Variants in CBLN2 observed in about 807,000 individuals in gnomAD.
CBLN2 encodes the protein cerebellin 2 precursor.
A neutral mutation model predicts 15.0 loss-of-function variants in CBLN2; 7 were observed. The ratio of observed to expected loss-of-function variants is 0.47; its 90% CI spans 0.27 to 0.88. CBLN2 has a LOEUF of 0.88. Among genes scored for constraint, CBLN2 ranks in the 40% least tolerant of loss-of-function variants. CBLN2 has a pLI of 0.14. For missense variants in CBLN2, 242 were observed against 304.5 expected, an observed-to-expected ratio of 0.79 and a Z score of 1.53; for synonymous variants, 149 against 135.2, an observed-to-expected ratio of 1.10 and a Z score of -0.71.
chr18:72,550,691 G>A (rs1160532561), intron 1 of CBLN2, among the ~76,000 whole-genome samples: 1 of 151,868 alleles, frequency 6.6e-6, no homozygotes, highest in Admixed American at 6.6e-5. Flanking sequence ...TTATTTGAAA[G>A]AGAAATTTTC....
chr18:72,632,869 T>C (rs2069786049), intron 1 of CBLN2, among the ~76,000 whole-genome samples: 1 of 152,226 alleles, frequency 6.6e-6, no homozygotes, highest in Non-Finnish European at 1.5e-5. Context: ...TAGCTGGATC[T>C]ACAGGATAGG....
At chr18:72,616,920 A>G (rs1354636756) in intron 1 of CBLN2, among the ~76,000 whole-genome samples, 5 of 152,142 alleles carry the variant, frequency 3.3e-5, no homozygotes. Context: ...TATGTATGCA[A>G]TATATTCCTA....
chr18:72,547,444 C>T (rs1291001641), upstream of CBLN2, among the ~76,000 whole-genome samples: 1 of 151,944 alleles, frequency 6.6e-6, no homozygotes, highest in Non-Finnish European at 1.5e-5. Flanking sequence ...GGCACATGTA[C>T]CCCCTAAATC....
chr18:72,540,655 A>C (rs2069102082), intron 3 of CBLN2, among the ~76,000 whole-genome samples: 1 of 152,208 alleles, frequency 6.6e-6, no homozygotes, highest in Admixed American at 6.5e-5. Flanking sequence ...AAATGAATTA[A>C]AGAGACACAT....
chr18:72,571,100 T>A (rs2069329773), intron 1 of CBLN2, among the ~76,000 whole-genome samples: 1 of 152,124 alleles, frequency 6.6e-6, no homozygotes, highest in Non-Finnish European at 1.5e-5. Flanking sequence ...GATAAATATT[T>A]TATATTGATA....
Position 72,574,349 on chromosome 18 carries a change from C to T in CBLN2, c.16-35577G>A, listed in dbSNP as rs917561955. On this transcript the variant is annotated intron_variant, in intron 1 of 2. Transcript: ENST00000581073. ...AAGAAATCATCGCCACTTACAAGGT[C>T]ATTTCAATTTTCTCCCATGTTTTCT... Among the ~76,000 whole-genome samples the T allele has an allele frequency of 2.0e-5, 3 of 152,106 alleles. No homozygotes were observed. In the East Asian group the frequency reaches 5.8e-4, roughly 29 times the overall value.
chr18:72,539,116 T>C (rs2069089877), intron 3 of CBLN2: 1 of 224,376 alleles, frequency 4.5e-6, no homozygotes, highest in South Asian at 7.8e-5. Flanking sequence ...AAATCCTAAA[T>C]TGAGTCCAGG....
chr18:72,614,722 T>C (rs1317567146), intron 1 of CBLN2, among the ~76,000 whole-genome samples: 1 of 152,082 alleles, frequency 6.6e-6, no homozygotes, highest in Non-Finnish European at 1.5e-5. Context: ...ATTTGGGACT[T>C]TGACAAATTA....
intron 1 of CBLN2, among the ~76,000 whole-genome samples, chr18:72,557,828 G>A (rs1194424551): frequency 1.3e-5 from 2 of 152,160 alleles, no homozygotes; most frequent in Non-Finnish European, 2.9e-5. Flanking sequence ...GAGGTGATGG[G>A]TTGATAGGTA....
At chr18:72,614,556 T>A (rs2069644751) in intron 1 of CBLN2, among the ~76,000 whole-genome samples, 1 of 152,280 alleles carries the variant, frequency 6.6e-6, no homozygotes, top group Admixed American at 6.5e-5. Context: ...ATTGCAGGTG[T>A]GATTTAAAAG....
intron 3 of CBLN2, among the ~76,000 whole-genome samples, chr18:72,540,732 C>T (rs545915520): frequency 9.2e-5 from 14 of 151,906 alleles, no homozygotes; most frequent in African/African-American, 3.1e-4. Flanking sequence ...GAAATAAATA[C>T]GCTGACTTAA....
At chr18:72,612,452 C>T (rs1294548139) in intron 1 of CBLN2, among the ~76,000 whole-genome samples, 1 of 152,046 alleles carries the variant, frequency 6.6e-6, no homozygotes, top group Admixed American at 6.6e-5. Context: ...AAACTGATTG[C>T]AGGCTCCCCA....
intron 3 of CBLN2, among the ~76,000 whole-genome samples, chr18:72,541,277 C>G (rs34027691): frequency 6.7e-6 from 1 of 150,352 alleles, no homozygotes; most frequent in Non-Finnish European, 1.5e-5. Context: ...CATCCCTGTT[C>G]TTCCTCACTT....
In CBLN2 at chr18:72,542,172, G is replaced by A. The variant is rs1686279304; in HGVS notation, c.-12C>T. 8.2e-7 allele frequency: 1 copy of A among 1,220,128 alleles called. No individual in the cohort carries two copies. Among genetic ancestry groups the A allele is most frequent in the Non-Finnish European group, 1.0e-6 (1 of 982,416 alleles). The allele number at this position is 1,220,128 out of a possible 1,614,324, so 75.6% of individuals were successfully genotyped here. On this transcript the variant is annotated 5_prime_UTR_variant, in exon 3 of 5. Transcript: ENST00000269503. ...CCGGGCGCCTGCATCGGGACTGGTG[G>A]GAGGCGGCGCGCGGGGGTGGAGGCC... is the stretch of plus-strand genomic sequence containing the variant.
At chr18:72,581,054 C>T (rs747511764) in intron 1 of CBLN2, among the ~76,000 whole-genome samples, 63 of 152,262 alleles carry the variant, frequency 4.1e-4, no homozygotes, top group Admixed American at 1.3e-3. Flanking sequence ...TGCAAGAAAC[C>T]TCTTAGGTCA....
chr18:72,579,753 A>T (rs1433493823), intron 1 of CBLN2, among the ~76,000 whole-genome samples: 1 of 152,094 alleles, frequency 6.6e-6, no homozygotes, highest in East Asian at 1.9e-4. Flanking sequence ...AAAACAAAAA[A>T]CAAAAACAAA....
chr18:72,619,299 T>C (rs2069684204), intron 1 of CBLN2: 2 of 625,330 alleles, frequency 3.2e-6, no homozygotes, highest in Non-Finnish European at 5.7e-6. Context: ...TACAACAGAA[T>C]TGTGAACTCA....
intron 1 of CBLN2, among the ~76,000 whole-genome samples, chr18:72,602,595 C>T (rs1434434628): frequency 3.3e-5 from 5 of 152,132 alleles, no homozygotes; most frequent in Admixed American, 3.3e-4. Context: ...CGGGGTGCCG[C>T]CGTGAAGGTG....
chr18:72,637,605 G>A (rs750757362), intron 1 of CBLN2, among the ~76,000 whole-genome samples: 1 of 152,158 alleles, frequency 6.6e-6, no homozygotes, highest in Non-Finnish European at 1.5e-5. Context: ...GAGCCCCCGA[G>A]TTATGTGCTA....
Sources: allele counts gnomAD v4.1 joint callset (sites outside exome capture counted in the v4.1 genomes callset), GRCh38; gene constraint gnomAD v4.1.1; transcripts MANE v1.5; gene names NCBI Gene and HGNC (gene_info 2026-07-23, HGNC 2026-07-21).